Variants in KIF5C observed in about 807,000 individuals in gnomAD.
The protein encoded by KIF5C is kinesin heavy chain isoform 5C.
In KIF5C, 18 loss-of-function variants were observed where a neutral mutation model predicts 125.2. The observed-to-expected ratio is 0.14, with a 90% CI of 0.10 to 0.21. The LOEUF is 0.21. Among genes scored for constraint, KIF5C ranks in the 10% least tolerant of loss-of-function variants. The probability of loss-of-function intolerance (pLI) is 1.00; values close to 1 mark genes in which losing one functional copy is unlikely to be tolerated. For missense variants in KIF5C, 780 were observed against 1,183.8 expected (o/e 0.66, Z 5.01); for synonymous variants, 405 against 434.0 (o/e 0.93, Z 0.83).
intron 8 of KIF5C, chr2:148,948,069 C>T (rs548557574): frequency 3.3e-5 from 15 of 453,410 alleles, no homozygotes; most frequent in African/African-American, 8.0e-5. Context: ...AGTATGGGGC[C>T]GGGTGCAGTG....
At position 149,010,494 on chromosome 2, in the gene KIF5C, C is replaced by G. The variant is rs137988670; in HGVS notation, c.2767+143C>G. On this transcript the variant is annotated intron_variant, in intron 24 of 25. Coordinates refer to ENST00000435030, the MANE Select transcript of KIF5C (RefSeq NM_004522.3). ...GGAGCCCGCAGGACGCAGCCCTCAC[C>G]GCACCCTGTGCTCACCCTGTGGGAA... 5 of 1,390,390 alleles carry G rather than the reference C, an allele frequency of 3.6e-6. No homozygotes were observed. The African/African-American group carries it at 5.8e-5, about 16-fold the overall frequency. The allele number at this position is 1,390,390 out of a possible 1,614,324, so 86.1% of individuals were successfully genotyped here. A position where few individuals can be genotyped will look rare whatever the true frequency, so the allele number is the denominator to read the frequency against.
intron 25 of KIF5C, among the ~76,000 whole-genome samples, chr2:149,018,879 T>C (rs1682449582): frequency 6.6e-6 from 1 of 151,264 alleles, no homozygotes; most frequent in Non-Finnish European, 1.5e-5. Context: ...TATATATATA[T>C]GGGTTATATT....
chr2:149,014,864 T>C (rs1422547013), intron 25 of KIF5C, among the ~76,000 whole-genome samples: 3 of 152,184 alleles, frequency 2.0e-5, no homozygotes, highest in African/African-American at 7.2e-5. Context: ...AGTATCCTAG[T>C]TGTTGCTATG....
intron 15 of KIF5C, among the ~76,000 whole-genome samples, chr2:148,989,337 T>TAC (rs59582798): frequency 0.2 from 28,884 of 147,758 alleles, 2,875 homozygotes; most frequent in South Asian, 0.31. Context: ...TCCATGATTT[T>TAC]ACACACACAC....
chr2:148,948,520 A>T (rs1682579686), intron 8 of KIF5C, among the ~76,000 whole-genome samples: 1 of 152,240 alleles, frequency 6.6e-6, no homozygotes, highest in Non-Finnish European at 1.5e-5. Flanking sequence ...GCACAGTGTC[A>T]GTGGTTATTG....
At chr2:148,942,209 A>G (rs931444824) in intron 6 of KIF5C, among the ~76,000 whole-genome samples, 1 of 152,180 alleles carries the variant, frequency 6.6e-6, no homozygotes, top group Non-Finnish European at 1.5e-5. Flanking sequence ...TTCACATTTA[A>G]AGAGATTTTG....
chr2:148,974,756 A>AT (rs1039100104), intron 12 of KIF5C, among the ~76,000 whole-genome samples: 3 of 152,122 alleles, frequency 2.0e-5, no homozygotes, highest in Admixed American at 6.6e-5. Context: ...GACCATATGC[A>AT]TTTTTTTTCC....
intron 1 of KIF5C, among the ~76,000 whole-genome samples, chr2:148,898,399 T>C (rs1227860062): frequency 6.6e-6 from 1 of 152,222 alleles, no homozygotes; most frequent in East Asian, 1.9e-4. Flanking sequence ...CCCTGAAAGA[T>C]GTCCACTTCT....
chr2:148,884,848 C>A (rs1438563395), intron 1 of KIF5C, among the ~76,000 whole-genome samples: 1 of 152,170 alleles, frequency 6.6e-6, no homozygotes, highest in Non-Finnish European at 1.5e-5. Flanking sequence ...ACAAGAGGAG[C>A]CTTTTGCCAT....
At chr2:148,912,034 C>CTAACCAATTGTTTAACTATCTAACAA (rs1681360058) in intron 1 of KIF5C, among the ~76,000 whole-genome samples, 1 of 152,188 alleles carries the variant, frequency 6.6e-6, no homozygotes, top group Admixed American at 6.5e-5. Context: ...ATTGGTTTAT[C>CTAACCAATTGTTTAACTATCTAACAA]TTGGTTCTAT....
intron 19 of KIF5C, 56 bp from the exon 20 acceptor site, chr2:149,000,367 A>C: frequency 6.5e-7 from 1 of 1,533,308 alleles, no homozygotes; most frequent in Non-Finnish European, 8.8e-7. Context: ...TTTTAGCCTG[A>C]TGACTCAGAA....
At chr2:148,957,431 T>G (rs2105123917) in intron 10 of KIF5C, among the ~76,000 whole-genome samples, 1 of 152,080 alleles carries the variant, frequency 6.6e-6, no homozygotes, top group East Asian at 1.9e-4. Context: ...GCTCCTTCAT[T>G]CTCTAAATTT....
intron 1 of KIF5C, among the ~76,000 whole-genome samples, chr2:148,908,118 T>C (rs1372770473): frequency 1.3e-5 from 2 of 152,268 alleles, no homozygotes; most frequent in Non-Finnish European, 2.9e-5. Context: ...GGAAAAGGCA[T>C]CCCAATCTTT....
intron 2 of KIF5C, among the ~76,000 whole-genome samples, chr2:148,923,978 C>G (rs1574750889): frequency 6.6e-6 from 1 of 152,180 alleles, no homozygotes; most frequent in South Asian, 2.1e-4. Flanking sequence ...AGAAAACCAT[C>G]TAGCAGAATA....
intron 23 of KIF5C, 129 bp downstream of exon 23, chr2:149,008,196 A>ACCTTTC: frequency 8.3e-7 from 1 of 1,208,332 alleles, no homozygotes. Context: ...CTATCAGAGG[A>ACCTTTC]CATGAGGGCT....
chr2:148,975,075 A>G (rs1681025516), intron 12 of KIF5C, among the ~76,000 whole-genome samples: 3 of 152,134 alleles, frequency 2.0e-5, no homozygotes, highest in Non-Finnish European at 4.4e-5. Flanking sequence ...CCATTTTGTT[A>G]TGTCATTTTC....
chr2:148,883,359 G>C (rs1681421459), intron 1 of KIF5C, among the ~76,000 whole-genome samples: 2 of 152,106 alleles, frequency 1.3e-5, no homozygotes, highest in Non-Finnish European at 2.9e-5. Flanking sequence ...AAATTAGCCA[G>C]GCATGGTGGC....
At chr2:148,894,992 A>T (rs1046755633) in intron 1 of KIF5C, among the ~76,000 whole-genome samples, 2 of 150,062 alleles carry the variant, frequency 1.3e-5, no homozygotes, top group Non-Finnish European at 1.5e-5. Flanking sequence ...TACTTAATAT[A>T]TATAAAATAA....
chr2:149,021,297 G>A (rs907850011), intron 25 of KIF5C, among the ~76,000 whole-genome samples: 1 of 152,082 alleles, frequency 6.6e-6, no homozygotes, highest in Non-Finnish European at 1.5e-5. Flanking sequence ...TCCTGACCTC[G>A]AGTGATCCAC....
Sources: allele counts gnomAD v4.1 joint callset (sites outside exome capture counted in the v4.1 genomes callset), GRCh38; gene constraint gnomAD v4.1.1; transcripts MANE v1.5; gene names NCBI Gene and HGNC (gene_info 2026-07-23, HGNC 2026-07-21).